BCL11A: variants seen among roughly 807,000 people sequenced by gnomAD.
The protein encoded by BCL11A is BCL11 transcription factor A.
Under a neutral mutation model 55.9 loss-of-function variants are expected in BCL11A, and 2 were observed. The ratio of observed to expected loss-of-function variants is 0.04; its 90% CI spans 0.01 to 0.11. The LOEUF (loss-of-function observed/expected upper bound fraction) is 0.11, where lower values mean the gene tolerates loss of function less well. Ranked by LOEUF, BCL11A falls within the 10% of genes least tolerant of loss-of-function variation. BCL11A has a pLI of 1.00. For missense variants in BCL11A, 817 were observed against 1,137.1 expected (o/e 0.72, Z 4.05); for synonymous variants, 465 against 473.4 (o/e 0.98, Z 0.23).
At chr2:60,489,992 C>T (rs772960005) in intron 2 of BCL11A, among the ~76,000 whole-genome samples, 6 of 152,148 alleles carry the variant, frequency 3.9e-5, no homozygotes, top group Admixed American at 1.3e-4. Flanking sequence ...CCAATACAGA[C>T]CCTGATGGGC....
chr2:60,543,799 C>T (rs1670029580), intron 2 of BCL11A: 2 of 152,314 alleles, frequency 1.3e-5, no homozygotes, highest in South Asian at 2.1e-4. Context: ...ACTTGTTGTG[C>T]GCCCATTGAA....
At position 60,546,709 on chromosome 2, in the gene BCL11A, T is replaced by C. The variant is rs1670175660; in HGVS notation, c.56-409A>G. On this transcript the variant is annotated intron_variant, in intron 1 of 3. Coordinates refer to ENST00000642384, the MANE Select transcript of BCL11A (RefSeq NM_022893.4). The surrounding 1 kb of genome is among the most constrained non-coding windows in gnomAD (Gnocchi z 4.1). ...AAAACTGGTTAAAAAAAAAAGTGGA[T>C]AGAAACCAAATTTGTTTCTTTTTTC... 6.6e-6 allele frequency among the ~76,000 whole-genome samples: 1 copy of C among 152,028 alleles called. No homozygotes were observed. The highest frequency in any genetic ancestry group is 1.5e-5 in the Non-Finnish European group (1 of 67,978).
At chr2:60,545,728 GAGA>G in intron 2 of BCL11A, 1 of 488,224 alleles carries the variant, frequency 2.0e-6, no homozygotes. Context: ...CAGATCCAGA[GAGA>G]AGGTGTCTGA....
At chr2:60,545,673 A>C (rs2104746338) in intron 2 of BCL11A, 1 of 362,808 alleles carries the variant, frequency 2.8e-6, no homozygotes, top group Non-Finnish European at 5.1e-6. Flanking sequence ...TCAATACTTC[A>C]AAATGAGAAG....
At chr2:60,468,023 GTAGTGGTGGTGA>G in intron 3 of BCL11A, among the ~76,000 whole-genome samples, 1 of 66,620 alleles carries the variant, frequency 1.5e-5, no homozygotes, top group Non-Finnish European at 3.5e-5. Context: ...GGTGGTGGTG[GTAGTGGTGGTGA>G]TGGTGGTGAT....
intron 2 of BCL11A, among the ~76,000 whole-genome samples, chr2:60,475,074 A>G (rs1467186230): frequency 6.6e-6 from 1 of 152,222 alleles, no homozygotes; most frequent in Admixed American, 6.5e-5. Context: ...AAAAAGAAAA[A>G]GCAGGTAAAG....
chr2:60,501,810 A>G (rs1482447833), intron 2 of BCL11A, among the ~76,000 whole-genome samples: 2 of 152,086 alleles, frequency 1.3e-5, no homozygotes, highest in Non-Finnish European at 2.9e-5. Context: ...CCAGCCTTAC[A>G]CTGCTTTCTT....
rs759707600 is a variant in BCL11A, at chr2:60,468,790, T to C, written c.429A>G (p.Ala143=). The C allele has an allele frequency of 1.6e-5, 26 of 1,607,806 alleles. No individual in the cohort carries two copies. Among genetic ancestry groups the C allele is most frequent in the Non-Finnish European group, 2.1e-5 (25 of 1,178,526 alleles). The change falls in exon 3 of 4, where the codon GCA becomes GCG. Residue 143 remains alanine (A), a synonymous_variant. Coordinates refer to ENST00000642384, the MANE Select transcript of BCL11A (RefSeq NM_022893.4). ...CAGGCGTGGGGATTAGAGCTCCATGTGCAGAACGAGGGGAGGAGAGGCCCC... is the reference window on the plus strand; with the variant it reads ...CAGGCGTGGGGATTAGAGCTCCATGCGCAGAACGAGGGGAGGAGAGGCCCC... The part of the protein sequence containing the change: ...HWRGLSSPRS[A]HGALIPTPGM...
chr2:60,462,247 G>A lies in BCL11A; in HGVS notation c.665C>T (p.Pro222Leu). The A allele has an allele frequency of 6.2e-7, 1 of 1,613,962 alleles. No individual in the cohort carries two copies. The highest frequency in any genetic ancestry group is 8.5e-7 in the Non-Finnish European group (1 of 1,179,956). Residue 222 changes from proline to leucine, a missense_variant, in exon 4 of 4, where the codon CCT becomes CTT. Physicochemically the swap from Pro to Leu is moderately conservative, Grantham distance 98 (BLOSUM62 -3). Transcript: ENST00000642384. ...GIPSGLGAEC[P>L]SQPPLHGIHI... ...AATCCCATGGAGAGGTGGCTGGGAA[G>A]GACATTCTGCACCTAGTCCTGAAGG...
chr2:60,495,473 G>A (rs1678892599), intron 2 of BCL11A, among the ~76,000 whole-genome samples: 1 of 152,196 alleles, frequency 6.6e-6, no homozygotes. Context: ...TCTCACTACA[G>A]ATAACTCCCA....
upstream of BCL11A, chr2:60,553,818 G>C (rs113020094): frequency 4.9e-4 from 62 of 126,844 alleles, no homozygotes; most frequent in African/African-American, 1.5e-3. Flanking sequence ...GCGGACGCCA[G>C]ACGCGGCCCC....
intron 2 of BCL11A, chr2:60,533,838 A>G (rs138506834): frequency 4.2e-4 from 64 of 152,336 alleles, no homozygotes; most frequent in African/African-American, 1.3e-3. Flanking sequence ...TCCCAGCTGA[A>G]TATTAACAAC....
At chr2:60,482,192 G>A (rs1259915290) in intron 2 of BCL11A, among the ~76,000 whole-genome samples, 1 of 151,846 alleles carries the variant, frequency 6.6e-6, no homozygotes, top group East Asian at 1.9e-4. Flanking sequence ...TTGGAGTTTA[G>A]TTTTTGAGTT....
At chr2:60,522,874 G>A (rs778589934) in intron 2 of BCL11A, 1 of 152,278 alleles carries the variant, frequency 6.6e-6, no homozygotes, top group Non-Finnish European at 1.5e-5. Flanking sequence ...GGTTTTCACA[G>A]GTCAAGGTTC....
chr2:60,514,413 T>C (rs150199602), intron 2 of BCL11A, among the ~76,000 whole-genome samples: 200 of 151,492 alleles, frequency 1.3e-3, no homozygotes, highest in African/African-American at 4.4e-3. Flanking sequence ...TCTCAGCATT[T>C]TGGGAGGCCG....
chr2:60,551,236 G>A (rs1216008393), intron 1 of BCL11A, among the ~76,000 whole-genome samples: 1 of 152,162 alleles, frequency 6.6e-6, no homozygotes, highest in Non-Finnish European at 1.5e-5. Flanking sequence ...AGTGCCCACC[G>A]CCCGCCTTTC....
chr2:60,535,630 T>C (rs1399251704), intron 2 of BCL11A: 3 of 152,286 alleles, frequency 2.0e-5, no homozygotes, highest in Non-Finnish European at 4.4e-5. Context: ...GTGGCATTAA[T>C]TTTAGAAGTT....
At chr2:60,467,405 GTGATGGTAC>G (rs1208080147) in intron 3 of BCL11A, among the ~76,000 whole-genome samples, 1 of 21,034 alleles carries the variant, frequency 4.8e-5, no homozygotes. Context: ...GATGGTGATG[GTGATGGTAC>G]TGGTGATGGT....
Position 60,458,862 on chromosome 2 carries a change from A to G in BCL11A, c.*1542T>C, listed in dbSNP as rs1676076221. 9.7e-7 allele frequency: 1 copy of G among 1,026,048 alleles called. No individual in the cohort carries two copies. Among genetic ancestry groups the G allele is most frequent in the East Asian group, 6.1e-5 (1 of 16,524 alleles). The allele number at this position is 1,026,048 out of a possible 1,614,324, so 63.6% of individuals were successfully genotyped here. Reference sequence around the variant, plus strand: ...CAGATGCTAGCTTAATAAAAAAGAAAAAATTAAAAAAATAAAAATAAAAAC... The same window carrying G: ...CAGATGCTAGCTTAATAAAAAAGAAGAAATTAAAAAAATAAAAATAAAAAC... On this transcript the variant is annotated 3_prime_UTR_variant, in exon 4 of 4. Coordinates refer to ENST00000642384, the MANE Select transcript of BCL11A (RefSeq NM_022893.4).
Sources: allele counts gnomAD v4.1 joint callset (sites outside exome capture counted in the v4.1 genomes callset), GRCh38; gene constraint gnomAD v4.1.1; non-coding constraint Gnocchi (gnomAD v3.1); transcripts MANE v1.5; gene names NCBI Gene and HGNC (gene_info 2026-07-23, HGNC 2026-07-21).